Variants in ANKIB1 observed in about 807,000 individuals in gnomAD.
ANKIB1 encodes ankyrin repeat and IBR domain-containing protein 1.
Under a neutral mutation model 122.1 loss-of-function variants are expected in ANKIB1, and 43 were observed. That is an observed-to-expected ratio of 0.35 (90% confidence interval 0.28 to 0.45). ANKIB1 has a LOEUF of 0.45. ANKIB1 is among the 20% of genes least tolerant of loss of function. ANKIB1 has a pLI of 1.00. For synonymous variants in ANKIB1, 390 were observed against 442.0 expected, an observed-to-expected ratio of 0.88 and a Z score of 1.48; for missense variants, 992 against 1,329.5, an observed-to-expected ratio of 0.75 and a Z score of 3.95.
chr7:92,256,512 T>C (rs897006734), intron 1 of ANKIB1, among the ~76,000 whole-genome samples: 2 of 152,182 alleles, frequency 1.3e-5, no homozygotes, highest in African/African-American at 2.4e-5. Flanking sequence ...AAACATATAA[T>C]TCCTATTTTC....
chr7:92,327,144 A>G (rs1024133347), intron 4 of ANKIB1, among the ~76,000 whole-genome samples: 1 of 152,216 alleles, frequency 6.6e-6, no homozygotes, highest in Non-Finnish European at 1.5e-5. Context: ...TACTTTTTGT[A>G]TAATCCAAAA....
At chr7:92,382,341 G>A (rs1462169640) in intron 11 of ANKIB1, among the ~76,000 whole-genome samples, 1 of 152,128 alleles carries the variant, frequency 6.6e-6, no homozygotes, top group Admixed American at 6.5e-5. Context: ...GAGACAGAAG[G>A]TCAACAAGGA....
At chr7:92,280,956 C>G (rs1042608048) in intron 1 of ANKIB1, among the ~76,000 whole-genome samples, 2 of 152,114 alleles carry the variant, frequency 1.3e-5, no homozygotes, top group African/African-American at 4.8e-5. Flanking sequence ...GTCCTCAAGA[C>G]CCTGCCAGGT....
At chr7:92,347,447 T>C (rs1053575472) in intron 7 of ANKIB1, among the ~76,000 whole-genome samples, 1 of 151,924 alleles carries the variant, frequency 6.6e-6, no homozygotes, top group African/African-American at 2.4e-5. Context: ...AGGGCTGAAA[T>C]AAAAGGGAAT....
At position 92,399,352 on chromosome 7, in the gene ANKIB1, T is replaced by G. The variant is rs1336121265; in HGVS notation, c.*403T>G. The G allele has an allele frequency of 6.5e-6, 1 of 153,280 alleles. No individual in the cohort carries two copies. Among genetic ancestry groups the G allele is most frequent in the African/African-American group, 2.4e-5 (1 of 41,480 alleles). 9.5% of individuals were successfully genotyped at this position (153,280 alleles called of 1,614,324 possible). On this transcript the variant is annotated 3_prime_UTR_variant, in exon 20 of 20. Coordinates refer to ENST00000265742, the MANE Select transcript of ANKIB1 (RefSeq NM_019004.2). ...TTCCTTTAAAAAAAAAAAAAAAGTT[T>G]TCTTCATTCTAGAAATTTATTTTGG...
At chr7:92,338,746 T>C (rs1803349507) in intron 5 of ANKIB1, among the ~76,000 whole-genome samples, 1 of 149,278 alleles carries the variant, frequency 6.7e-6, no homozygotes. Flanking sequence ...ACCCCATCTC[T>C]ACTAAAAATA....
intron 4 of ANKIB1, among the ~76,000 whole-genome samples, chr7:92,323,741 AC>A (rs1354790570): frequency 6.6e-6 from 1 of 152,246 alleles, no homozygotes; most frequent in Non-Finnish European, 1.5e-5. Flanking sequence ...AGATATACAC[AC>A]AATAGAATAT....
rs1296064043 is a variant in ANKIB1, at chr7:92,337,106, G to T, written c.788-5918G>T. Among the ~76,000 whole-genome samples, 3 of 152,150 alleles carry T rather than the reference G, an allele frequency of 2.0e-5. No individual in the cohort carries two copies. In the East Asian group the frequency reaches 5.8e-4, roughly 29 times the overall value. ...CTAGCACTCCTATGTAACATTATAA[G>T]TGATGCTTATTATTTTCTTGGCTTA... On this transcript the variant is annotated intron_variant, in intron 5 of 19. Coordinates refer to ENST00000265742, the MANE Select transcript of ANKIB1 (RefSeq NM_019004.2).
At chr7:92,300,281 A>G (rs1226176891) in intron 2 of ANKIB1, among the ~76,000 whole-genome samples, 1 of 152,150 alleles carries the variant, frequency 6.6e-6, no homozygotes, top group African/African-American at 2.4e-5. Context: ...TCTTTTACTT[A>G]CCAGTTTGGA....
At chr7:92,348,602 T>C (rs1172329033) in intron 7 of ANKIB1, among the ~76,000 whole-genome samples, 2 of 152,150 alleles carry the variant, frequency 1.3e-5, no homozygotes, top group Non-Finnish European at 2.9e-5. Context: ...GTCAGGCTGG[T>C]CTTGAACCCC....
Position 92,387,873 on chromosome 7 carries a change from C to T in ANKIB1, c.1828C>T (p.His610Tyr). 2 of 1,612,196 alleles carry T rather than the reference C, an allele frequency of 1.2e-6. No homozygotes were observed. The highest frequency in any genetic ancestry group is 1.7e-6 in the Non-Finnish European group (2 of 1,179,086). Residue 610 changes from histidine to tyrosine, a missense_variant, in exon 13 of 20, where the codon CAT becomes TAT. By Grantham distance (83) the His-to-Tyr change is moderately conservative. This residue lies in a region of ANKIB1 where 521 missense variants were observed against 777.7 expected (regional missense o/e 0.67). Coordinates refer to ENST00000265742, the MANE Select transcript of ANKIB1 (RefSeq NM_019004.2). ...HYYTRFKNHE[H>Y]SYQLEQRLLK... is the part of the protein sequence containing the mutation. ...TTATACAAGATTTAAAAACCATGAG[C>T]ATAGTTATCAGGTATGTCCCAAATC... is the stretch of plus-strand genomic sequence containing the variant.
At chr7:92,299,931 A>G (rs1415713253) in intron 2 of ANKIB1, among the ~76,000 whole-genome samples, 2 of 152,050 alleles carry the variant, frequency 1.3e-5, no homozygotes, top group African/African-American at 2.4e-5. Flanking sequence ...CAGCCTCCCA[A>G]GTAGCTGGGA....
chr7:92,359,657 A>G (rs1803899248), intron 9 of ANKIB1, among the ~76,000 whole-genome samples: 1 of 152,178 alleles, frequency 6.6e-6, no homozygotes, highest in Admixed American at 6.6e-5. Flanking sequence ...AGTCTTCCAC[A>G]ATGGTTGAAC....
intron 10 of ANKIB1, among the ~76,000 whole-genome samples, chr7:92,365,078 T>C (rs963124852): frequency 7.9e-5 from 12 of 152,374 alleles, no homozygotes; most frequent in African/African-American, 2.6e-4. Flanking sequence ...TTAAATGTTA[T>C]CTTCATTATT....
intron 8 of ANKIB1, among the ~76,000 whole-genome samples, chr7:92,351,707 C>T (rs1418657584): frequency 1.3e-5 from 2 of 148,664 alleles, no homozygotes; most frequent in Non-Finnish European, 3.0e-5. Context: ...GACAAGTCCT[C>T]CTTTTTTTTT....
At chr7:92,334,303 T>C (rs773040372) in intron 5 of ANKIB1, among the ~76,000 whole-genome samples, 10 of 152,112 alleles carry the variant, frequency 6.6e-5, no homozygotes, top group African/African-American at 1.9e-4. Flanking sequence ...TGTACTTTGC[T>C]CAGTTAAGTA....
chr7:92,302,122 T>C (rs1802469971), intron 2 of ANKIB1, among the ~76,000 whole-genome samples: 1 of 152,000 alleles, frequency 6.6e-6, no homozygotes, highest in South Asian at 2.1e-4. Flanking sequence ...TTAGTAGAGA[T>C]GTAGTTTCAC....
intron 5 of ANKIB1, among the ~76,000 whole-genome samples, chr7:92,333,577 T>G (rs1803223969): frequency 6.6e-6 from 1 of 152,144 alleles, no homozygotes; most frequent in Non-Finnish European, 1.5e-5. Flanking sequence ...CAGTGGTGAT[T>G]TTTTGGTGGT....
At position 92,344,246 on chromosome 7, in the gene ANKIB1, C is replaced by T. The variant is rs139023078; in HGVS notation, c.997-732C>T. Among the ~76,000 whole-genome samples, 237 of 129,590 alleles carry T rather than the reference C, an allele frequency of 1.8e-3. 1 individual carries two copies. The highest frequency in any genetic ancestry group is 6.7e-3 in the African/African-American group (222 of 33,060). The allele number at this position is 129,590 out of a possible 152,430, so 85.0% of individuals were successfully genotyped here. ...TGAGACGGAGTTTCACTCTTGTTGC[C>T]GAGGCTGGAGTGTAATGGCATGACC... On this transcript the variant is annotated intron_variant, in intron 6 of 19. Transcript: ENST00000265742.
Sources: allele counts gnomAD v4.1 joint callset (sites outside exome capture counted in the v4.1 genomes callset), GRCh38; gene constraint gnomAD v4.1.1; regional missense constraint gnomAD v4.1.1; transcripts MANE v1.5; gene names NCBI Gene and HGNC (gene_info 2026-07-23, HGNC 2026-07-21).